SBF2: variants seen among roughly 807,000 people sequenced by gnomAD.
SBF2 encodes the protein SET binding factor 2.
A neutral mutation model predicts 225.2 loss-of-function variants in SBF2; 112 were observed. The observed-to-expected ratio is 0.50, with a 90% CI of 0.43 to 0.58. SBF2 has a LOEUF of 0.58. SBF2 is among the 20% of genes least tolerant of loss of function. SBF2 has a pLI of 0.00. For missense variants in SBF2, 1,996 were observed against 2,206.2 expected, an observed-to-expected ratio of 0.90 and a Z score of 1.91; for synonymous variants, 763 against 773.3, an observed-to-expected ratio of 0.99 and a Z score of 0.22.
At chr11:10,058,559 G>A (rs1228494195) in intron 2 of SBF2, among the ~76,000 whole-genome samples, 1 of 152,126 alleles carries the variant, frequency 6.6e-6, no homozygotes, top group Non-Finnish European at 1.5e-5. Flanking sequence ...TGAAATGGAG[G>A]GGGAGAAAGC....
chr11:9,928,487 T>C (rs1307931007), intron 16 of SBF2, among the ~76,000 whole-genome samples: 1 of 152,216 alleles, frequency 6.6e-6, no homozygotes, highest in Non-Finnish European at 1.5e-5. Context: ...GGAACTCTCA[T>C]ATACTCATGG....
In SBF2 at chr11:9,812,565, C is replaced by A. The variant is rs934191963; in HGVS notation, c.4122G>T (p.Leu1374=). ...TIPTDSEVTF[L]KALGDSEWFP... ...ACCACTCAGAATCTCCCAGCGCTTT[C>A]AGGAAGGTCACTTCTGAGTCAGTAG... is the stretch of plus-strand genomic sequence containing the variant. Residue 1374 remains leucine, a synonymous_variant, in exon 30 of 40, where the codon CTG becomes CTT. Transcript: ENST00000256190. 1.9e-6 allele frequency: 3 copies of A among 1,614,090 alleles called. No individual in the cohort carries two copies. In the African/African-American group the frequency reaches 4.0e-5, roughly 22 times the overall value.
intron 2 of SBF2, among the ~76,000 whole-genome samples, chr11:10,132,790 C>G (rs979655450): frequency 4.0e-5 from 6 of 149,072 alleles, no homozygotes; most frequent in Non-Finnish European, 8.9e-5. Flanking sequence ...CACCCACATC[C>G]TGCTGATTGG....
intron 1 of SBF2, among the ~76,000 whole-genome samples, chr11:10,214,613 A>G (rs1043838170): frequency 6.6e-6 from 1 of 151,994 alleles, no homozygotes; most frequent in Non-Finnish European, 1.5e-5. Context: ...ACAGAGAAAG[A>G]CTCTGTCTAA....
In SBF2 at chr11:10,239,549, A is replaced by G. The variant is rs1351324082; in HGVS notation, c.56-45562T>C. Among the ~76,000 whole-genome samples the G allele has an allele frequency of 2.5e-5, 3 of 119,554 alleles. No homozygotes were observed. In the East Asian group the frequency reaches 5.9e-4, roughly 23 times the overall value. 78.4% of individuals were successfully genotyped at this position (119,554 alleles called of 152,430 possible). A position where few individuals can be genotyped will look rare whatever the true frequency, so the allele number is the denominator to read the frequency against. On this transcript the variant is annotated intron_variant, in intron 1 of 39. Transcript: ENST00000256190. Reference sequence around the variant, plus strand: ...ATAATGGAGTAGGAGAAAAAATTGGATGTGTCTGTAACATCCTGCTGTAAA... The same window carrying G: ...ATAATGGAGTAGGAGAAAAAATTGGGTGTGTCTGTAACATCCTGCTGTAAA...
At chr11:9,823,626 C>T (rs536690011) in intron 28 of SBF2, among the ~76,000 whole-genome samples, 5 of 152,256 alleles carry the variant, frequency 3.3e-5, no homozygotes, top group South Asian at 2.1e-4. Flanking sequence ...GAATTACTTG[C>T]AAGGCATGGG....
intron 24 of SBF2, among the ~76,000 whole-genome samples, chr11:9,843,515 C>A (rs1251195580): frequency 6.6e-6 from 1 of 152,170 alleles, no homozygotes; most frequent in Non-Finnish European, 1.5e-5. Flanking sequence ...GAGAATTAAA[C>A]AGAGAACCTA....
intron 2 of SBF2, among the ~76,000 whole-genome samples, chr11:10,097,646 T>A (rs1446469763): frequency 6.6e-6 from 1 of 152,136 alleles, no homozygotes; most frequent in Non-Finnish European, 1.5e-5. Flanking sequence ...CAGATGACAG[T>A]AGCTTTGTGG....
chr11:10,233,283 G>C (rs1007218873), intron 1 of SBF2, among the ~76,000 whole-genome samples: 3 of 151,832 alleles, frequency 2.0e-5, no homozygotes, highest in African/African-American at 7.3e-5. Flanking sequence ...ATTTTGACAA[G>C]ATTTCTTCAC....
At chr11:10,256,429 T>A (rs765080294) in intron 1 of SBF2, among the ~76,000 whole-genome samples, 10 of 152,226 alleles carry the variant, frequency 6.6e-5, no homozygotes, top group Admixed American at 2.0e-4. Flanking sequence ...ACAGAGTTCC[T>A]GGGCCAGGCC....
intron 29 of SBF2, among the ~76,000 whole-genome samples, chr11:9,813,084 A>G (rs1029249220): frequency 1.3e-5 from 2 of 152,220 alleles, no homozygotes; most frequent in South Asian, 4.1e-4. Flanking sequence ...CTAATGATAC[A>G]TGGACAGTAT....
At chr11:10,129,534 C>T (rs1343133076) in intron 2 of SBF2, among the ~76,000 whole-genome samples, 1 of 152,152 alleles carries the variant, frequency 6.6e-6, no homozygotes, top group Non-Finnish European at 1.5e-5. Context: ...TCAGCTCACA[C>T]CTAATTAGAT....
At chr11:9,879,342 T>C (rs1339987976) in intron 17 of SBF2, among the ~76,000 whole-genome samples, 1 of 152,228 alleles carries the variant, frequency 6.6e-6, no homozygotes, top group East Asian at 1.9e-4. Flanking sequence ...TCCATTCTTT[T>C]CTCAATTATG....
chr11:9,844,142 C>T (rs1230929967), intron 24 of SBF2, among the ~76,000 whole-genome samples: 4 of 152,262 alleles, frequency 2.6e-5, no homozygotes, highest in East Asian at 1.9e-4. Flanking sequence ...GGCTCCTCTC[C>T]GACCCTATGG....
chr11:10,231,986 C>A (rs1433499236), intron 1 of SBF2, among the ~76,000 whole-genome samples: 1 of 152,194 alleles, frequency 6.6e-6, no homozygotes, highest in Non-Finnish European at 1.5e-5. Context: ...GCTTTGTTTA[C>A]CTACTCAAGC....
In SBF2 at chr11:10,170,192, C is replaced by T. The variant is rs191393092; in HGVS notation, c.141+23710G>A. ...TTGTCTGTGCTTATGGGGTATTACT[C>T]GAAGTCTTTGCCCAGTTCAGTGCCC... On this transcript the variant is annotated intron_variant, in intron 2 of 39. Transcript: ENST00000256190. Among the ~76,000 whole-genome samples the T allele has an allele frequency of 2.5e-4, 38 of 152,162 alleles. No homozygotes were observed. In the East Asian group the frequency reaches 6.9e-3, roughly 28 times the overall value.
chr11:9,982,021 T>C (rs962332967), intron 13 of SBF2, among the ~76,000 whole-genome samples: 3 of 152,254 alleles, frequency 2.0e-5, no homozygotes, highest in Non-Finnish European at 4.4e-5. Flanking sequence ...ATATAATCTC[T>C]GTCATTTTAT....
Position 9,781,418 on chromosome 11 carries a change from A to G in SBF2, c.5451+89T>C. ...GGTCTGTCATCCATCTGTAGTCACC[A>G]CCAATTACTCTGAGGGCTCCATCAT... On this transcript the variant is annotated intron_variant, in intron 39 of 39. Coordinates refer to ENST00000256190, the MANE Select transcript of SBF2 (RefSeq NM_030962.4). 4 of 1,563,662 alleles carry G rather than the reference A, an allele frequency of 2.6e-6. No homozygotes were observed. In the South Asian group the frequency reaches 3.3e-5, roughly 13 times the overall value.
At chr11:10,215,465 C>A (rs1195950431) in intron 1 of SBF2, among the ~76,000 whole-genome samples, 1 of 152,152 alleles carries the variant, frequency 6.6e-6, no homozygotes, top group Non-Finnish European at 1.5e-5. Context: ...CTTGTAGGAA[C>A]CTCTTTGTGT....
Sources: gnomAD v4.1 joint callset for allele counts (sites outside exome capture counted in the v4.1 genomes callset) on GRCh38, gnomAD v4.1.1 for gene constraint, MANE v1.5 for transcripts, NCBI Gene and HGNC (gene_info 2026-07-23, HGNC 2026-07-21) for gene names.